DNAH11: variants seen among roughly 807,000 people sequenced by gnomAD.
DNAH11 encodes axonemal beta dynein heavy chain 11.
Under a neutral mutation model 526.0 loss-of-function variants are expected in DNAH11, and 442 were observed. The ratio of observed to expected loss-of-function variants is 0.84; its 90% CI spans 0.78 to 0.91. DNAH11 has a LOEUF of 0.91. Ranked by LOEUF, DNAH11 falls within the 40% of genes least tolerant of loss-of-function variation. DNAH11 has a pLI of 0.00. For synonymous variants in DNAH11, 2,461 were observed against 1,935.9 expected (o/e 1.27, Z -7.12); for missense variants, 6,989 against 5,448.7 (o/e 1.28, Z -8.90).
chr7:21,736,950 A>G (rs1025897160), intron 46 of DNAH11, among the ~76,000 whole-genome samples: 22 of 152,234 alleles, frequency 1.4e-4, no homozygotes, highest in African/African-American at 5.3e-4. Flanking sequence ...ATGATTTATA[A>G]ATGGAAGATT....
At chr7:21,722,854 G>T (rs1435242434) in intron 44 of DNAH11, among the ~76,000 whole-genome samples, 2 of 152,064 alleles carry the variant, frequency 1.3e-5, no homozygotes, top group Non-Finnish European at 2.9e-5. Context: ...CCCTTTCTGG[G>T]ACTGTAAAAT....
chr7:21,894,559 T>C (rs767391294), intron 77 of DNAH11, 64 bp from the exon 78 acceptor site: 217 of 1,528,670 alleles, frequency 1.4e-4, no homozygotes, highest in Non-Finnish European at 1.9e-4. Context: ...GTAGAGGATA[T>C]ACACAGTCAC....
intron 1 of DNAH11, among the ~76,000 whole-genome samples, chr7:21,544,362 AAG>A (rs1198247891): frequency 5.3e-5 from 8 of 152,232 alleles, no homozygotes; most frequent in African/African-American, 1.9e-4. Context: ...TCAGAGAAGA[AAG>A]AGTAATAGGA....
intron 2 of DNAH11, 104 bp downstream of exon 2, chr7:21,545,253 A>G (rs1462055210): frequency 6.2e-6 from 3 of 485,244 alleles, no homozygotes; most frequent in Non-Finnish European, 9.6e-6. Flanking sequence ...TAGGAGGGGA[A>G]GGGAAGGGGA....
chr7:21,668,727 A>G (rs563260325), intron 30 of DNAH11, among the ~76,000 whole-genome samples: 2 of 152,214 alleles, frequency 1.3e-5, no homozygotes, highest in South Asian at 2.1e-4. Context: ...CAATTTTTCT[A>G]CTCATCTTGT....
chr7:21,560,967 T>C, intron 4 of DNAH11, 104 bp from the exon 5 acceptor site: 5 of 791,770 alleles, frequency 6.3e-6, no homozygotes, highest in Non-Finnish European at 1.0e-5. Flanking sequence ...AAATACTGTA[T>C]CACTTGTGAG....
In DNAH11 at chr7:21,819,926, C is replaced by G. The variant is rs144251435; in HGVS notation, c.10691+1587C>G. 1.6e-3 allele frequency among the ~76,000 whole-genome samples: 237 copies of G among 152,222 alleles called. 3 individuals carry two copies. In the East Asian group the frequency reaches 0.037, roughly 24 times the overall value. ...TGATGAATTGATCATATCATTCTTG[C>G]ATTTCTTTTAAGGCCAAGAAGATTA... On this transcript the variant is annotated intron_variant, in intron 65 of 81. Coordinates refer to ENST00000409508, the MANE Select transcript of DNAH11 (RefSeq NM_001277115.2).
rs751426263 is a variant in DNAH11, at chr7:21,899,449, G to C, written c.13162+1G>C. ...TTCAACCCTCAGTCCTTCTTAACTGGTAAGGGCTGACGCAGTGCAGCCCCT... is the reference window on the plus strand; with the variant it reads ...TTCAACCCTCAGTCCTTCTTAACTGCTAAGGGCTGACGCAGTGCAGCCCCT... On this transcript the variant is annotated splice_donor_variant, in intron 80 of 81. Transcript: ENST00000409508. LOFTEE classifies it high-confidence loss of function. 6.2e-7 allele frequency: 1 copy of C among 1,611,642 alleles called. No homozygotes were observed. The highest frequency in any genetic ancestry group is 8.5e-7 in the Non-Finnish European group (1 of 1,177,960).
intron 61 of DNAH11, 45 bp downstream of exon 61, chr7:21,789,387 G>A (rs543474599): frequency 1.3e-5 from 18 of 1,362,474 alleles, no homozygotes; most frequent in South Asian, 9.4e-5. Flanking sequence ...AGAGGTGGTC[G>A]CTGCCTCCAC....
At chr7:21,857,877 G>A (rs1782913370) in intron 68 of DNAH11, among the ~76,000 whole-genome samples, 1 of 152,058 alleles carries the variant, frequency 6.6e-6, no homozygotes, top group Non-Finnish European at 1.5e-5. Context: ...AGGGCTTTGG[G>A]TTAGGCAAAG....
At chr7:21,790,507 C>G (rs1000525830) in intron 61 of DNAH11, among the ~76,000 whole-genome samples, 4 of 152,078 alleles carry the variant, frequency 2.6e-5, no homozygotes, top group Non-Finnish European at 4.4e-5. Flanking sequence ...TACTAAATAC[C>G]ACTACTGTTT....
intron 66 of DNAH11, among the ~76,000 whole-genome samples, chr7:21,843,461 T>C (rs1036659044): frequency 6.6e-6 from 1 of 150,634 alleles, no homozygotes; most frequent in African/African-American, 2.5e-5. Flanking sequence ...TATAAAGGAA[T>C]GCTATGCTCA....
chr7:21,824,679 A>C (rs1790201124), intron 65 of DNAH11, among the ~76,000 whole-genome samples: 1 of 152,228 alleles, frequency 6.6e-6, no homozygotes, highest in African/African-American at 2.4e-5. Context: ...AATGTTGCTT[A>C]TCACTTCATT....
Position 21,895,007 on chromosome 7 carries a change from A to T in DNAH11, c.13049+8A>T. On this transcript the variant is annotated splice_region_variant and intron_variant, in intron 79 of 81. Coordinates refer to ENST00000409508, the MANE Select transcript of DNAH11 (RefSeq NM_001277115.2). ...TTATGGCCTAGCCCAGTGGTAAGCTACCCCATCCTCACTGCCACTGGCCCT... is the reference window on the plus strand; with the variant it reads ...TTATGGCCTAGCCCAGTGGTAAGCTTCCCCATCCTCACTGCCACTGGCCCT... 1 of 1,611,820 alleles carries T rather than the reference A, an allele frequency of 6.2e-7. No homozygotes were observed. The highest frequency in any genetic ancestry group is 1.1e-5 in the South Asian group (1 of 91,022).
chr7:21,710,564 C>CT lies in DNAH11; in HGVS notation c.6697dup (p.Tyr2233LeufsTer17). The CT allele has an allele frequency of 6.2e-7, 1 of 1,608,856 alleles. No individual in the cohort carries two copies. Among genetic ancestry groups the CT allele is most frequent in the Middle Eastern group, 1.7e-4 (1 of 5,976 alleles). On this transcript the variant is annotated frameshift_variant, in exon 41 of 82. Coordinates refer to ENST00000409508, the MANE Select transcript of DNAH11 (RefSeq NM_001277115.2). LOFTEE classifies it high-confidence loss of function. ...ACATTATATATTAGGATTGTTTACT[C>CT]TTATTTTATAGGTCTCTTCTCATCC... is the stretch of plus-strand genomic sequence containing the variant.
rs767109397 is a variant in DNAH11 at position 21,807,996 on chromosome 7, C to A, written c.10279C>A (p.Gln3427Lys). ...FVSYVGPFTR[Q>K]YRQELVHCKW... ...GTCTTACGTCGGACCCTTCACAAGGCAGTATCGCCAGGAGCTGGTGCACTG... is the reference window on the plus strand; with the variant it reads ...GTCTTACGTCGGACCCTTCACAAGGAAGTATCGCCAGGAGCTGGTGCACTG... Residue 3427 changes from glutamine to lysine, a missense_variant, in exon 63 of 82, where the codon CAG becomes AAG. Transcript: ENST00000409508. The A allele has an allele frequency of 6.3e-7, 1 of 1,589,458 alleles. No individual in the cohort carries two copies. Among genetic ancestry groups the A allele is most frequent in the Non-Finnish European group, 8.6e-7 (1 of 1,163,730 alleles).
chr7:21,592,935 A>G (rs1235140769), intron 14 of DNAH11, among the ~76,000 whole-genome samples: 10 of 152,214 alleles, frequency 6.6e-5, no homozygotes, highest in Admixed American at 3.9e-4. Flanking sequence ...TGCTTGTCCT[A>G]AGGGACATTT....
intron 45 of DNAH11, among the ~76,000 whole-genome samples, chr7:21,734,874 C>T (rs73275654): frequency 7.3e-5 from 11 of 150,814 alleles, no homozygotes; most frequent in African/African-American, 2.7e-4. Flanking sequence ...AATAGTCATT[C>T]AAAAAACTCA....
chr7:21,643,460 A>G (rs1188395521), intron 28 of DNAH11, among the ~76,000 whole-genome samples: 1 of 152,162 alleles, frequency 6.6e-6, no homozygotes, highest in Non-Finnish European at 1.5e-5. Context: ...CTAATCCACA[A>G]TAGAGCTATA....
Sources: gnomAD v4.1 joint callset for allele counts (sites outside exome capture counted in the v4.1 genomes callset) on GRCh38, gnomAD v4.1.1 for gene constraint, MANE v1.5 for transcripts, NCBI Gene and HGNC (gene_info 2026-07-23, HGNC 2026-07-21) for gene names.